VANGL1: variants seen among roughly 807,000 people sequenced by gnomAD.
VANGL1 encodes VANGL planar cell polarity protein 1.
In VANGL1, 18 loss-of-function variants were observed where a neutral mutation model predicts 48.4. The ratio of observed to expected loss-of-function variants is 0.37; its 90% CI spans 0.26 to 0.55. VANGL1 has a LOEUF of 0.55. VANGL1 is among the 20% of genes least tolerant of loss of function. The pLI, the probability that VANGL1 is intolerant of heterozygous loss-of-function variation, is 0.81. For synonymous variants in VANGL1, 257 were observed against 261.8 expected, an observed-to-expected ratio of 0.98 and a Z score of 0.18; for missense variants, 667 against 675.8, an observed-to-expected ratio of 0.99 and a Z score of 0.14.
intron 7 of VANGL1, among the ~76,000 whole-genome samples, chr1:115,689,278 A>G (rs952842577): frequency 3.6e-5 from 5 of 137,206 alleles, no homozygotes; most frequent in African/African-American, 1.1e-4. Context: ...TCTGCCTTAC[A>G]ATAGATGCTC....
chr1:115,660,246 G>A (rs1320330335), intron 3 of VANGL1, among the ~76,000 whole-genome samples: 1 of 152,144 alleles, frequency 6.6e-6, no homozygotes, highest in East Asian at 1.9e-4. Context: ...CGAAAAGAGG[G>A]GGCAAAAATA....
At chr1:115,653,670 A>G (rs1054965562) in intron 2 of VANGL1, among the ~76,000 whole-genome samples, 2 of 152,190 alleles carry the variant, frequency 1.3e-5, no homozygotes, top group African/African-American at 4.8e-5. Flanking sequence ...GGCCTCCAGA[A>G]ATTGATATTC....
At chr1:115,670,077 T>C (rs1000085671) in intron 4 of VANGL1, among the ~76,000 whole-genome samples, 2 of 152,102 alleles carry the variant, frequency 1.3e-5, no homozygotes, top group Non-Finnish European at 2.9e-5. Context: ...CTGGCATCCT[T>C]ACAAGAACAG....
At position 115,658,760 on chromosome 1, in the gene VANGL1, A is replaced by G. The variant is rs553975661; in HGVS notation, c.72-881A>G. Reference sequence around the variant, plus strand: ...AGCTGGAGGGGGAGTGCCAGTTCCCATAAGTGGTTATTGCCCAGGTTGTGA... The same window carrying G: ...AGCTGGAGGGGGAGTGCCAGTTCCCGTAAGTGGTTATTGCCCAGGTTGTGA... On this transcript the variant is annotated intron_variant, in intron 2 of 7. Coordinates refer to ENST00000355485, the MANE Select transcript of VANGL1 (RefSeq NM_138959.3). Among the ~76,000 whole-genome samples the G allele has an allele frequency of 9.9e-5, 15 of 152,244 alleles. No individual in the cohort carries two copies. The South Asian group carries it at 2.9e-3, about 29-fold the overall frequency.
chr1:115,688,914 C>T (rs535144683), intron 7 of VANGL1, among the ~76,000 whole-genome samples: 3 of 134,540 alleles, frequency 2.2e-5, no homozygotes, highest in East Asian at 2.1e-4. Context: ...CTCAGCCTCC[C>T]GAGTAACTGG....
In VANGL1 at chr1:115,696,486, A is replaced by G. The variant is rs1654033862; in HGVS notation, c.*5107A>G. 6.6e-6 allele frequency: 1 copy of G among 152,154 alleles called. No homozygotes were observed. Among genetic ancestry groups the G allele is most frequent in the South Asian group, 2.1e-4 (1 of 4,818 alleles). The allele number at this position is 152,154 out of a possible 1,614,324, so 9.4% of individuals were successfully genotyped here. On this transcript the variant is annotated 3_prime_UTR_variant, in exon 8 of 8. Transcript: ENST00000355485. ...TAAGTTTTGATTCAGTTGTGCATAA[A>G]CCATAGTTTTCTGCCCTGCTGTTTG... is the stretch of plus-strand genomic sequence containing the variant.
intron 7 of VANGL1, among the ~76,000 whole-genome samples, chr1:115,686,664 A>G (rs1653647342): frequency 6.6e-6 from 1 of 152,140 alleles, no homozygotes; most frequent in Admixed American, 6.5e-5. Context: ...TAATATCCCT[A>G]AAAGTGTGCT....
chr1:115,651,487 A>T lies in VANGL1; in HGVS notation c.71+3A>T. ...TCGAAAAAATCTCACAGACAAGGGT[A>T]TGTAAGTTGTTCATTATTACACTTT... On this transcript the variant is annotated splice_donor_region_variant and intron_variant, in intron 2 of 7. Coordinates refer to ENST00000355485, the MANE Select transcript of VANGL1 (RefSeq NM_138959.3). 5 of 1,613,110 alleles carry T rather than the reference A, an allele frequency of 3.1e-6. No homozygotes were observed. The highest frequency in any genetic ancestry group is 4.2e-6 in the Non-Finnish European group (5 of 1,179,190).
intron 7 of VANGL1, among the ~76,000 whole-genome samples, chr1:115,685,765 A>G (rs547940571): frequency 1.4e-3 from 209 of 152,196 alleles, no homozygotes; most frequent in African/African-American, 4.9e-3. Flanking sequence ...GGAGGACAGT[A>G]TGGAATAGTG....
chr1:115,696,290 C>G lies in VANGL1; in HGVS notation c.*4911C>G, dbSNP rs1654025469. 6.6e-6 allele frequency: 1 copy of G among 152,258 alleles called. No homozygotes were observed. Among genetic ancestry groups the G allele is most frequent in the Non-Finnish European group, 1.5e-5 (1 of 68,104 alleles). The allele number at this position is 152,258 out of a possible 1,614,324, so 9.4% of individuals were successfully genotyped here. A position where few individuals can be genotyped will look rare whatever the true frequency, so the allele number is the denominator to read the frequency against. On this transcript the variant is annotated 3_prime_UTR_variant, in exon 8 of 8. Transcript: ENST00000355485. ...GGAGTGAGAGGGGCTGTCCACAGCC[C>G]CATCCTGTGGGGATCTCAAGCCGGA...
chr1:115,662,687 C>T (rs989946959), intron 3 of VANGL1, among the ~76,000 whole-genome samples: 3 of 152,122 alleles, frequency 2.0e-5, no homozygotes, highest in Admixed American at 2.0e-4. Flanking sequence ...TGGCCATACA[C>T]GGATTCCTGG....
Position 115,682,559 on chromosome 1 carries a change from A to C in VANGL1, c.946+62A>C, listed in dbSNP as rs10923177. On this transcript the variant is annotated intron_variant, in intron 5 of 7. Coordinates refer to ENST00000355485, the MANE Select transcript of VANGL1 (RefSeq NM_138959.3). The stretch of plus-strand genomic sequence containing the variant: ...GGGCACAGTTGGGTGACTATTTAAG[A>C]TTCATGGTACGTTTGGTTCGACTTC... The C allele has an allele frequency of 0.68, 1,090,159 of 1,612,088 alleles. 370,165 individuals are homozygous for C. The highest frequency in any genetic ancestry group is 0.75 in the South Asian group (68,219 of 90,924).
At chr1:115,655,825 G>C (rs570054518) in intron 2 of VANGL1, among the ~76,000 whole-genome samples, 302 of 152,274 alleles carry the variant, frequency 2.0e-3, no homozygotes, top group African/African-American at 6.9e-3. Context: ...TGGAACTACA[G>C]GGATGAGCAT....
chr1:115,661,329 G>A (rs890147427), intron 3 of VANGL1, among the ~76,000 whole-genome samples: 5 of 152,042 alleles, frequency 3.3e-5, no homozygotes, highest in Admixed American at 1.3e-4. Flanking sequence ...GCCCTTTCTA[G>A]TCAATCTCTG....
chr1:115,663,069 GC>G (rs1481902340), intron 3 of VANGL1, among the ~76,000 whole-genome samples: 1 of 152,166 alleles, frequency 6.6e-6, no homozygotes, highest in Non-Finnish European at 1.5e-5. Context: ...ACAGGTGTGA[GC>G]CACCGCGCCC....
chr1:115,684,051 C>A lies in VANGL1; in HGVS notation c.1054C>A (p.Arg352=), dbSNP rs532776784. 5.6e-6 allele frequency: 9 copies of A among 1,613,944 alleles called. No individual in the cohort carries two copies. The highest frequency in any genetic ancestry group is 4.5e-5 in the East Asian group (2 of 44,880). The part of the protein sequence containing the change: ...ELYYEEAEHE[R]RVKKRKARLV... ...GTATTATGAAGAGGCCGAACATGAACGGCGAGTAAAGAAGCGGAAAGCAAG... is the reference window on the plus strand; with the variant it reads ...GTATTATGAAGAGGCCGAACATGAAAGGCGAGTAAAGAAGCGGAAAGCAAG... Residue 352 remains arginine (R), a synonymous_variant, in exon 6 of 8, where the codon CGG becomes AGG. Transcript: ENST00000355485.
rs202195478 is a variant in VANGL1 at position 115,687,934 on chromosome 1, T to TTAGGTAGG, written c.1314+2414_1314+2415insGTAGGTAG. Among the ~76,000 whole-genome samples the TTAGGTAGG allele has an allele frequency of 5.6e-5, 6 of 107,588 alleles. 2 individuals carry two copies. In the East Asian group the frequency reaches 7.5e-4, roughly 13 times the overall value. The allele number at this position is 107,588 out of a possible 152,430, so 70.6% of individuals were successfully genotyped here. On this transcript the variant is annotated intron_variant, in intron 7 of 7. Coordinates refer to ENST00000355485, the MANE Select transcript of VANGL1 (RefSeq NM_138959.3). ...CACCCCGGCCTATATATATCATTCA[T>TTAGGTAGG]TAGGTAGATAGATAGATAGATAGAT...
At chr1:115,679,160 T>C (rs1368055608) in intron 4 of VANGL1, among the ~76,000 whole-genome samples, 1 of 152,194 alleles carries the variant, frequency 6.6e-6, no homozygotes, top group Non-Finnish European at 1.5e-5. Context: ...AACTTCACCC[T>C]GAGATCTCTT....
intron 1 of VANGL1, among the ~76,000 whole-genome samples, chr1:115,646,242 CTG>C (rs1651908504): frequency 6.6e-6 from 1 of 152,160 alleles, no homozygotes; most frequent in South Asian, 2.1e-4. Context: ...TAGAAGCACT[CTG>C]TGCACCTATC....
Sources: allele counts gnomAD v4.1 joint callset (sites outside exome capture counted in the v4.1 genomes callset), GRCh38; gene constraint gnomAD v4.1.1; transcripts MANE v1.5; gene names NCBI Gene and HGNC (gene_info 2026-07-23, HGNC 2026-07-21).